Variants in ESRRB observed in about 807,000 individuals in gnomAD.
The protein encoded by ESRRB is steroid hormone receptor ERR2.
Under a neutral mutation model 46.0 loss-of-function variants are expected in ESRRB, and 16 were observed. The observed-to-expected ratio is 0.35, with a 90% CI of 0.24 to 0.53. The LOEUF (loss-of-function observed/expected upper bound fraction) is 0.53, where lower values mean the gene tolerates loss of function less well. Ranked by LOEUF, ESRRB falls within the 20% of genes least tolerant of loss-of-function variation. The pLI is 0.93. For missense variants in ESRRB, 488 were observed against 607.4 expected (o/e 0.80, Z 2.07); for synonymous variants, 246 against 259.6 (o/e 0.95, Z 0.50).
chr14:76,424,490 C>T (rs769216857), intron 1 of ESRRB, among the ~76,000 whole-genome samples: 1 of 152,142 alleles, frequency 6.6e-6, no homozygotes, highest in Admixed American at 6.6e-5. Context: ...ATAGAAGTGT[C>T]GTCCCCTTCG....
intron 1 of ESRRB, among the ~76,000 whole-genome samples, chr14:76,429,636 G>A (rs560191225): frequency 1.2e-4 from 18 of 152,150 alleles, no homozygotes; most frequent in Non-Finnish European, 1.5e-5. Flanking sequence ...TGTAATCCCA[G>A]CTACTCAGGA....
chr14:76,332,578 TTATATATTTATATA>T (rs1566853063), intron 1 of ESRRB, among the ~76,000 whole-genome samples: 7,142 of 35,190 alleles, frequency 0.2, 708 homozygotes, highest in Non-Finnish European at 0.24. Flanking sequence ...TATTTATATA[TTATATATTTATATA>T]TTATATATTA....
intron 1 of ESRRB, among the ~76,000 whole-genome samples, chr14:76,428,089 C>T (rs1739490456): frequency 6.6e-6 from 1 of 152,218 alleles, no homozygotes. Flanking sequence ...ACCTCTGCCT[C>T]CTGGGTTCAA....
chr14:76,422,057 CAGTCT>C (rs1886980796), intron 1 of ESRRB, among the ~76,000 whole-genome samples: 1 of 152,108 alleles, frequency 6.6e-6, no homozygotes, highest in African/African-American at 2.4e-5. Flanking sequence ...TGATAAGTGA[CAGTCT>C]TGCCAAGGGC....
intron 1 of ESRRB, among the ~76,000 whole-genome samples, chr14:76,314,384 C>T (rs922382894): frequency 1.3e-5 from 2 of 152,262 alleles, no homozygotes; most frequent in Middle Eastern, 3.4e-3. Context: ...TTCAACTCCC[C>T]AGATCGCTTC....
intron 1 of ESRRB, among the ~76,000 whole-genome samples, chr14:76,416,410 C>A (rs1348377841): frequency 6.6e-6 from 1 of 152,052 alleles, no homozygotes; most frequent in Non-Finnish European, 1.5e-5. Context: ...AGGCATGAAC[C>A]TGCGCCCCGC....
At chr14:76,340,790 G>A (rs928587039) in intron 1 of ESRRB, among the ~76,000 whole-genome samples, 1 of 152,182 alleles carries the variant, frequency 6.6e-6, no homozygotes, top group African/African-American at 2.4e-5. Context: ...AAGGCACAAT[G>A]CAGCAGGTTG....
chr14:76,387,147 G>C (rs1885265394), intron 1 of ESRRB, among the ~76,000 whole-genome samples: 1 of 152,220 alleles, frequency 6.6e-6, no homozygotes. Flanking sequence ...GGATCAGGGA[G>C]GGTTAGGACT....
At chr14:76,374,362 T>G (rs1566864111), upstream of ESRRB, among the ~76,000 whole-genome samples, 1 of 152,024 alleles carries the variant, frequency 6.6e-6, no homozygotes, top group Admixed American at 6.5e-5. Context: ...ATTCTGGCAC[T>G]ATATGGAAGG....
chr14:76,450,486 G>T lies in ESRRB; in HGVS notation c.460+10736G>T, dbSNP rs562399980. Among the ~76,000 whole-genome samples, 5 of 152,224 alleles carry T rather than the reference G, an allele frequency of 3.3e-5. No individual in the cohort carries two copies. The South Asian group carries it at 1.0e-3, about 32-fold the overall frequency. On this transcript the variant is annotated intron_variant, in intron 2 of 6. Coordinates refer to ENST00000644823, the MANE Select transcript of ESRRB (RefSeq NM_001379180.1). Reference sequence around the variant, plus strand: ...TCTGCACTCCTCCTTGAGTTCCCAGGGTAGATGGCCAACTTTGCACAGGCC... The same window carrying T: ...TCTGCACTCCTCCTTGAGTTCCCAGTGTAGATGGCCAACTTTGCACAGGCC...
chr14:76,500,366 C>G lies in ESRRB; in HGVS notation c.*1908C>G. The G allele has an allele frequency of 1.7e-6, 1 of 582,498 alleles. No individual in the cohort carries two copies. 36.1% of individuals were successfully genotyped at this position (582,498 alleles called of 1,614,324 possible). On this transcript the variant is annotated 3_prime_UTR_variant, in exon 7 of 7. Coordinates refer to ENST00000644823, the MANE Select transcript of ESRRB (RefSeq NM_001379180.1). ...ACTGGAGCCGTTACCCAGGATGCTGCGGCCCTAGCCCTCCATGCAGCCCAT... is the reference window on the plus strand; with the variant it reads ...ACTGGAGCCGTTACCCAGGATGCTGGGGCCCTAGCCCTCCATGCAGCCCAT...
At chr14:76,362,926 G>A (rs1028455679) in intron 1 of ESRRB, among the ~76,000 whole-genome samples, 2 of 152,170 alleles carry the variant, frequency 1.3e-5, no homozygotes, top group African/African-American at 2.4e-5. Flanking sequence ...TCTTTAAGAT[G>A]ATGCTTTTGA....
intron 1 of ESRRB, among the ~76,000 whole-genome samples, chr14:76,433,086 C>T (rs1887523851): frequency 6.6e-6 from 1 of 152,150 alleles, no homozygotes; most frequent in Non-Finnish European, 1.5e-5. Flanking sequence ...AGAATCACAG[C>T]TGCACCACCA....
chr14:76,354,546 C>A (rs1467598527), intron 1 of ESRRB, among the ~76,000 whole-genome samples: 1 of 151,564 alleles, frequency 6.6e-6, no homozygotes, highest in Non-Finnish European at 1.5e-5. Flanking sequence ...ACATTGTGAC[C>A]CAAATGGGAG....
intron 1 of ESRRB, among the ~76,000 whole-genome samples, chr14:76,413,876 C>T (rs1316439314): frequency 7.4e-6 from 1 of 135,802 alleles, no homozygotes; most frequent in African/African-American, 2.8e-5. Flanking sequence ...ACCCCTGCAC[C>T]GTCCCCCGCC....
intron 3 of ESRRB, among the ~76,000 whole-genome samples, chr14:76,478,435 C>T (rs942604930): frequency 1.6e-5 from 2 of 127,592 alleles, no homozygotes; most frequent in East Asian, 2.2e-4. Context: ...GGGACAGACA[C>T]CTCTTTTTAT....
intron 1 of ESRRB, among the ~76,000 whole-genome samples, chr14:76,327,862 C>A (rs1883953804): frequency 1.3e-5 from 2 of 151,954 alleles, no homozygotes; most frequent in African/African-American, 2.4e-5. Flanking sequence ...TGCCACCACA[C>A]CTGGCTAATT....
In ESRRB at chr14:76,479,275, C is replaced by T. The variant is rs145614586; in HGVS notation, c.578-2741C>T. The stretch of plus-strand genomic sequence containing the variant: ...CGTGTGTGTGTGTGTGCTGATCTGA[C>T]GCCTAGGCTTTCTTTGGCCACCAGA... On this transcript the variant is annotated intron_variant, in intron 3 of 6. Transcript: ENST00000644823. Among the ~76,000 whole-genome samples the T allele has an allele frequency of 4.3e-4, 65 of 152,122 alleles. 1 individual carries two copies. The highest frequency in any genetic ancestry group is 1.3e-3 in the African/African-American group (56 of 41,486).
chr14:76,365,698 C>T (rs1006217531), intron 1 of ESRRB, among the ~76,000 whole-genome samples: 5 of 152,126 alleles, frequency 3.3e-5, no homozygotes, highest in African/African-American at 1.2e-4. Context: ...TAATAGGTAA[C>T]AAAAACTTGC....
Sources: gnomAD v4.1 joint callset for allele counts (sites outside exome capture counted in the v4.1 genomes callset) on GRCh38, gnomAD v4.1.1 for gene constraint, MANE v1.5 for transcripts, NCBI Gene and HGNC (gene_info 2026-07-23, HGNC 2026-07-21) for gene names.